Variants in RGL1 observed in about 807,000 individuals in gnomAD.
RGL1 encodes ral guanine nucleotide dissociation stimulator like 1.
RGL1 carries 24 observed loss-of-function variants against 95.2 expected under a neutral mutation model. The observed-to-expected ratio is 0.25, with a 90% CI of 0.18 to 0.35. RGL1 has a LOEUF of 0.35. RGL1 is among the 10% of genes least tolerant of loss of function. RGL1 has a pLI of 1.00. For missense variants in RGL1, 715 were observed against 936.3 expected, an observed-to-expected ratio of 0.76 and a Z score of 3.08; for synonymous variants, 329 against 344.9, an observed-to-expected ratio of 0.95 and a Z score of 0.51.
chr1:183,648,656 T>G, intron 1 of RGL1: 1 of 1,614,212 alleles, frequency 6.2e-7, no homozygotes, highest in Non-Finnish European at 8.5e-7. Flanking sequence ...TGAGGGAAAC[T>G]CTTGCTTCTT....
intron 2 of RGL1, among the ~76,000 whole-genome samples, chr1:183,828,965 A>C (rs1177194634): frequency 6.6e-6 from 1 of 152,218 alleles, no homozygotes; most frequent in Admixed American, 6.5e-5. Flanking sequence ...ACTTTACTTC[A>C]GTCATGGTTT....
In RGL1 at chr1:183,865,587, G is replaced by A. The variant is rs1665775449; in HGVS notation, c.348-409G>A. On this transcript the variant is annotated intron_variant, in intron 3 of 17. Transcript: ENST00000360851. ...TGGCATGAGTGTGGATGCTGTGCCT[G>A]CAGAGCCATGTGTCCCTTGCATAGA... Among the ~76,000 whole-genome samples, 4 of 152,312 alleles carry A rather than the reference G, an allele frequency of 2.6e-5. 1 individual carries two copies. Among genetic ancestry groups the A allele is most frequent in the African/African-American group, 9.6e-5 (4 of 41,562 alleles).
intron 1 of RGL1, among the ~76,000 whole-genome samples, chr1:183,729,594 T>A (rs1656510832): frequency 1.3e-5 from 2 of 152,176 alleles, no homozygotes; most frequent in Admixed American, 6.5e-5. Flanking sequence ...AACATAGATT[T>A]ACCATAAGAT....
intron 2 of RGL1, among the ~76,000 whole-genome samples, chr1:183,821,167 C>G (rs1413896961): frequency 6.6e-6 from 1 of 151,520 alleles, no homozygotes; most frequent in Non-Finnish European, 1.5e-5. Flanking sequence ...ATACTTGTAC[C>G]TGTTTCTTTT....
intron 1 of RGL1, among the ~76,000 whole-genome samples, chr1:183,703,136 C>T (rs774585925): frequency 3.3e-5 from 5 of 152,198 alleles, no homozygotes; most frequent in Admixed American, 2.0e-4. Flanking sequence ...ACCACCACCT[C>T]CCCCCGCCGG....
At chr1:183,699,275 T>G (rs1233576667) in intron 1 of RGL1, among the ~76,000 whole-genome samples, 1 of 152,254 alleles carries the variant, frequency 6.6e-6, no homozygotes, top group African/African-American at 2.4e-5. Context: ...TAAATACTAC[T>G]GGTCCAGACT....
intron 2 of RGL1, among the ~76,000 whole-genome samples, chr1:183,743,292 G>A (rs1188069388): frequency 1.3e-5 from 2 of 152,182 alleles, no homozygotes; most frequent in African/African-American, 2.4e-5. Flanking sequence ...GGGATTACAG[G>A]TGTGAGTGAC....
chr1:183,829,595 C>T (rs898445414), intron 2 of RGL1, among the ~76,000 whole-genome samples: 2 of 152,064 alleles, frequency 1.3e-5, no homozygotes, highest in African/African-American at 2.4e-5. Flanking sequence ...CTCATATTTA[C>T]ACTTACATTT....
chr1:183,919,451 C>CA, intron 16 of RGL1, among the ~76,000 whole-genome samples: 1 of 152,266 alleles, frequency 6.6e-6, no homozygotes, highest in Non-Finnish European at 1.5e-5. Flanking sequence ...AAAGAAAAGA[C>CA]AAACAGCATC....
intron 1 of RGL1, among the ~76,000 whole-genome samples, chr1:183,723,330 A>G (rs1242209191): frequency 1.3e-5 from 2 of 152,196 alleles, no homozygotes; most frequent in African/African-American, 4.8e-5. Context: ...CACATAAAAA[A>G]ACACCTTCGT....
chr1:183,858,067 C>CT (rs150910307), intron 3 of RGL1, among the ~76,000 whole-genome samples: 2 of 151,768 alleles, frequency 1.3e-5, no homozygotes, highest in Non-Finnish European at 2.9e-5. Context: ...TGCAATTATC[C>CT]TTTTTTTGAA....
chr1:183,915,444 T>A (rs1389733285), intron 15 of RGL1, among the ~76,000 whole-genome samples: 1 of 152,244 alleles, frequency 6.6e-6, no homozygotes, highest in Non-Finnish European at 1.5e-5. Context: ...ATTGCATGGA[T>A]GAGAAATGTG....
At position 183,772,870 on chromosome 1, in the gene RGL1, G is replaced by A. The variant is rs559566717; in HGVS notation, c.132+30581G>A. On this transcript the variant is annotated intron_variant, in intron 2 of 18. Transcript: ENST00000304685. ...TAAAAATACAAAAAATTAGCCGGGC[G>A]CGGTGGCGGGCGCCTGTAGTCCCAG... 7.3e-5 allele frequency among the ~76,000 whole-genome samples: 11 copies of A among 151,214 alleles called. No individual in the cohort carries two copies. The East Asian group carries it at 9.7e-4, about 13-fold the overall frequency.
At chr1:183,840,960 C>A (rs1380339106) in intron 2 of RGL1, among the ~76,000 whole-genome samples, 1 of 110,438 alleles carries the variant, frequency 9.1e-6, no homozygotes, top group Non-Finnish European at 1.9e-5. Context: ...TCTGACACCT[C>A]CTTTACACTG....
intron 2 of RGL1, among the ~76,000 whole-genome samples, chr1:183,812,450 A>G (rs1661792106): frequency 6.6e-6 from 1 of 152,190 alleles, no homozygotes; most frequent in South Asian, 2.1e-4. Flanking sequence ...TTTGCATTTG[A>G]GCCTGCTAAA....
intron 7 of RGL1, among the ~76,000 whole-genome samples, chr1:183,888,023 G>A (rs1667215992): frequency 6.6e-6 from 1 of 152,114 alleles, no homozygotes; most frequent in African/African-American, 2.4e-5. Flanking sequence ...ACACCTCTGT[G>A]GACAAGGGTT....
intron 2 of RGL1, among the ~76,000 whole-genome samples, chr1:183,811,624 A>G (rs878868559): frequency 6.6e-6 from 1 of 152,252 alleles, no homozygotes; most frequent in Admixed American, 6.5e-5. Context: ...TCTACCAATC[A>G]AGAAAATTTA....
At chr1:183,862,408 A>G (rs1219332447) in intron 3 of RGL1, among the ~76,000 whole-genome samples, 1 of 152,186 alleles carries the variant, frequency 6.6e-6, no homozygotes, top group Non-Finnish European at 1.5e-5. Context: ...GCAAATAATC[A>G]TCTCCATCCC....
rs758825203 is a variant in RGL1 at position 183,648,492 on chromosome 1, A to G, written c.-33+11991A>G. 6 of 1,614,106 alleles carry G rather than the reference A, an allele frequency of 3.7e-6. No individual in the cohort carries two copies. In the African/African-American group the frequency reaches 8.0e-5, roughly 22 times the overall value. ...AAGATAACCATTCATTTCAAAGAGC[A>G]TTGATTCTGGATGGATATAATTCCC... On this transcript the variant is annotated intron_variant, in intron 1 of 18. Transcript: ENST00000304685.
Sources: gnomAD v4.1 joint callset for allele counts (sites outside exome capture counted in the v4.1 genomes callset) on GRCh38, gnomAD v4.1.1 for gene constraint, MANE v1.5 for transcripts, NCBI Gene and HGNC (gene_info 2026-07-23, HGNC 2026-07-21) for gene names.